The following FAT2 variants were observed in gnomAD, a reference collection of about 807,000 sequenced individuals.
The protein encoded by FAT2 is FAT atypical cadherin 2.
In FAT2, 150 loss-of-function variants were observed where a neutral mutation model predicts 295.3. The observed-to-expected ratio is 0.51, with a 90% CI of 0.44 to 0.58. The LOEUF (loss-of-function observed/expected upper bound fraction) is 0.58, where lower values mean the gene tolerates loss of function less well. Among genes scored for constraint, FAT2 ranks in the 20% least tolerant of loss-of-function variants. FAT2 has a pLI of 0.00. For missense variants in FAT2, 4,868 were observed against 5,442.7 expected (o/e 0.89, Z 3.32); for synonymous variants, 2,026 against 2,150.3 (o/e 0.94, Z 1.60).
chr5:151,539,639 G>A (rs924936798), intron 11 of FAT2, among the ~76,000 whole-genome samples: 3 of 152,150 alleles, frequency 2.0e-5, no homozygotes, highest in Non-Finnish European at 4.4e-5. Context: ...AAATTAAAAT[G>A]TTAGCAGTTT....
Position 151,542,665 on chromosome 5 carries a change from G to T in FAT2, c.8462C>A (p.Ala2821Asp). The T allele has an allele frequency of 1.2e-6, 2 of 1,614,194 alleles. No individual in the cohort carries two copies. The highest frequency in any genetic ancestry group is 1.7e-6 in the Non-Finnish European group (2 of 1,180,028). The change falls in exon 10 of 24, where the codon GCC becomes GAC. Residue 2821 changes from alanine (A) to aspartate (D), a missense_variant. Ala to Asp is a moderately radical substitution (Grantham distance 126). Transcript: ENST00000261800. ...PVGTSVIQVT[A>D]IDKDTGRDGQ... ...ATCTCTCCCAGTGTCCTTGTCAATGGCAGTCACTTGAATGACTGAGGTCCC... is the reference window on the plus strand; with the variant it reads ...ATCTCTCCCAGTGTCCTTGTCAATGTCAGTCACTTGAATGACTGAGGTCCC...
Position 151,543,347 on chromosome 5 carries a change from T to C in FAT2, c.7780A>G (p.Ile2594Val), listed in dbSNP as rs760863148. The part of the protein sequence containing the change: ...QFKASEYTVS[I>V]QSNVSKDSPV... The stretch of plus-strand genomic sequence containing the variant: ...GAGTCTTTACTGACATTGGATTGAA[T>C]GGATACTGTGTACTCAGATGCTTTG... The change falls in exon 10 of 24, where the codon ATT (isoleucine) becomes GTT (valine). Residue 2594 changes from isoleucine (I) to valine (V), a missense_variant. By Grantham distance (29) the Ile-to-Val change is conservative. Transcript: ENST00000261800. The C allele has an allele frequency of 8.7e-6, 14 of 1,614,100 alleles. No individual in the cohort carries two copies. Among genetic ancestry groups the C allele is most frequent in the Middle Eastern group, 1.6e-4 (1 of 6,084 alleles).
In FAT2 at chr5:151,549,274, G is replaced by A. The variant is rs377091541; in HGVS notation, c.4789+21C>T. ...TAAAGCATCTTGACCCATCCTCTGA[G>A]CTCATGGCCAGGCCTCTCACCTTTC... is the stretch of plus-strand genomic sequence containing the variant. On this transcript the variant is annotated intron_variant, in intron 9 of 23. Coordinates refer to ENST00000261800, the MANE Select transcript of FAT2 (RefSeq NM_001447.3). The A allele has an allele frequency of 9.1e-5, 146 of 1,609,202 alleles. 2 individuals are homozygous for A. The Middle Eastern group carries it at 1.1e-3, about 12-fold the overall frequency.
chr5:151,544,856 G>A lies in FAT2; in HGVS notation c.6271C>T (p.Gln2091Ter), dbSNP rs1372143484. 5.0e-6 allele frequency: 8 copies of A among 1,614,210 alleles called. No homozygotes were observed. The highest frequency in any genetic ancestry group is 6.8e-6 in the Non-Finnish European group (8 of 1,180,036). ...DGTEPGDVLF[Q>*]VSATDEDLGT... ...AAGTCCTCATCAGTGGCAGATACCTGAAAGAGGACATCCCCTGGCTCTGTG... is the reference window on the plus strand; with the variant it reads ...AAGTCCTCATCAGTGGCAGATACCTAAAAGAGGACATCCCCTGGCTCTGTG... The change falls in exon 10 of 24, where the codon CAG (glutamine) becomes TAG (stop). Residue 2091 changes from glutamine (Q) to a stop codon, truncating the protein, a stop_gained. Coordinates refer to ENST00000261800, the MANE Select transcript of FAT2 (RefSeq NM_001447.3). LOFTEE classifies it high-confidence loss of function.
chr5:151,565,922 C>T lies in FAT2; in HGVS notation c.3010G>A (p.Gly1004Ser), dbSNP rs3734055. ...GTCCTGCGGGCTAGGGGCCTCCCAC[C>T]ATCACTGGCCCACAGGCTCAGATTG... ...GYNLSLWASDGGRPLARRTLC... is the reference protein window; with the variant it reads ...GYNLSLWASDSGRPLARRTLC... Residue 1004 changes from glycine (G) to serine (S), a missense_variant, in exon 2 of 24, where the codon GGT becomes AGT. Around this residue, in one of 5 missense-constraint regions of FAT2, gnomAD observed 3,297 missense variants for 3,669.4 expected, o/e 0.90. Transcript: ENST00000261800. The T allele has an allele frequency of 0.5, 808,138 of 1,613,426 alleles. 206,118 individuals carry two copies. The highest frequency in any genetic ancestry group is 0.53 in the Non-Finnish European group (623,708 of 1,179,796).
rs2127619277 is a variant in FAT2, at chr5:151,549,388, C to T, written c.4696G>A (p.Asp1566Asn). ...AGCTCTGTGCCGGGGGCTATGGTGT[C>T]AGGAACACTTGCCTCATAATGGAGC... ...TQLHYEASVPDTIAPGTELLQ... is the reference protein window; with the variant it reads ...TQLHYEASVPNTIAPGTELLQ... Residue 1566 changes from aspartate (D) to asparagine (N), a missense_variant, in exon 9 of 24, where the codon GAC (aspartate) becomes AAC (asparagine). Physicochemically the swap from Asp to Asn is conservative, Grantham distance 23. Transcript: ENST00000261800. The T allele has an allele frequency of 1.2e-6, 2 of 1,614,078 alleles. No individual in the cohort carries two copies. The highest frequency in any genetic ancestry group is 1.7e-6 in the Non-Finnish European group (2 of 1,180,010).
Position 151,505,623 on chromosome 5 carries a change from T to G in FAT2, c.12992A>C (p.Tyr4331Ser). ...ACTCTCCACCATGTCAGAGCCCTCA[T>G]AGTTGGGGGGCACCCGGGGCTGGCC... ...GQGQPRVPPN[Y>S]EGSDMVESDY... The change falls in exon 24 of 24, where the codon TAT (tyrosine) becomes TCT (serine). Residue 4331 changes from tyrosine to serine, a missense_variant. Tyr to Ser is a moderately radical substitution (Grantham distance 144). This residue lies in a region of FAT2 where 492 missense variants were observed against 482.6 expected (regional missense o/e 1.02). Transcript: ENST00000261800. The G allele has an allele frequency of 6.2e-7, 1 of 1,614,128 alleles. No homozygotes were observed. The highest frequency in any genetic ancestry group is 8.5e-7 in the Non-Finnish European group (1 of 1,180,010).
chr5:151,510,327 T>C lies in FAT2; in HGVS notation c.11906-153A>G, dbSNP rs996721443. 1.2e-5 allele frequency: 10 copies of C among 834,442 alleles called. No homozygotes were observed. In the African/African-American group the frequency reaches 1.7e-4, roughly 14 times the overall value. The allele number at this position is 834,442 out of a possible 1,614,324, so 51.7% of individuals were successfully genotyped here. On this transcript the variant is annotated intron_variant, in intron 21 of 23. Coordinates refer to ENST00000261800, the MANE Select transcript of FAT2 (RefSeq NM_001447.3). ...TGCCCAATACCGTGCTGGGCATTGG[T>C]GCCCTGCTGAACCAAGAGCACTTTG...
At chr5:151,591,983 T>A (rs1168903030), upstream of FAT2, among the ~76,000 whole-genome samples, 1 of 152,198 alleles carries the variant, frequency 6.6e-6, no homozygotes, top group Non-Finnish European at 1.5e-5. Context: ...CCTCTCTAAG[T>A]TTGGGCTCCC....
At chr5:151,554,294 G>T in intron 5 of FAT2, 68 bp downstream of exon 5, 2 of 1,452,630 alleles carry the variant, frequency 1.4e-6, no homozygotes, top group Non-Finnish European at 1.9e-6. Flanking sequence ...CCCTCCTCCT[G>T]AATTCTCAAA....
At chr5:151,575,299 C>A (rs1758701100) in intron 1 of FAT2, among the ~76,000 whole-genome samples, 1 of 152,202 alleles carries the variant, frequency 6.6e-6, no homozygotes, top group African/African-American at 2.4e-5. Flanking sequence ...TATACATTTT[C>A]AAATAAGCAT....
chr5:151,520,152 G>A (rs752769948), intron 19 of FAT2, among the ~76,000 whole-genome samples: 4 of 152,228 alleles, frequency 2.6e-5, no homozygotes, highest in Non-Finnish European at 4.4e-5. Context: ...TCTGAGAAAT[G>A]ATATCCCGAA....
chr5:151,592,269 A>G (rs569196418), upstream of FAT2, among the ~76,000 whole-genome samples: 1 of 152,314 alleles, frequency 6.6e-6, no homozygotes, highest in South Asian at 2.1e-4. Context: ...TTTTAGTTAT[A>G]GAACACATTT....
At chr5:151,570,143 G>A (rs1581458358) in intron 1 of FAT2, among the ~76,000 whole-genome samples, 1 of 152,194 alleles carries the variant, frequency 6.6e-6, no homozygotes, top group Non-Finnish European at 1.5e-5. Flanking sequence ...ATAAAAGGAA[G>A]GGAGCTGCCC....
intron 19 of FAT2, among the ~76,000 whole-genome samples, chr5:151,520,600 C>T (rs995322124): frequency 1.3e-5 from 2 of 152,160 alleles, no homozygotes; most frequent in African/African-American, 2.4e-5. Context: ...GGGTTAAGTG[C>T]TTTTATAACT....
chr5:151,552,470 T>G (rs1757308168), intron 6 of FAT2, among the ~76,000 whole-genome samples: 1 of 152,168 alleles, frequency 6.6e-6, no homozygotes, highest in Admixed American at 6.5e-5. Flanking sequence ...GGACTCCATG[T>G]TCATGTGGGT....
chr5:151,554,245 G>A lies in FAT2; in HGVS notation c.3945+117C>T, dbSNP rs561204938. On this transcript the variant is annotated intron_variant, in intron 5 of 23. Transcript: ENST00000261800. The stretch of plus-strand genomic sequence containing the variant: ...CCCAGTTTCTCTGGGAGAAGGCCAG[G>A]AAGGAGAGTACCATTTCCCTTATGC... 3.0e-5 allele frequency: 28 copies of A among 935,822 alleles called. No homozygotes were observed. In the East Asian group the frequency reaches 7.1e-4, roughly 24 times the overall value. 58.0% of individuals were successfully genotyped at this position (935,822 alleles called of 1,614,324 possible). A position where few individuals can be genotyped will look rare whatever the true frequency, so the allele number is the denominator to read the frequency against.
rs7718950 is a variant in FAT2, at chr5:151,537,578, T to C, written c.9193+215A>G. ...AGCACATTTAAAACCACTGATTCAA[T>C]GACCCCCTTTCCCACTAGATTATAA... is the stretch of plus-strand genomic sequence containing the variant. On this transcript the variant is annotated intron_variant, in intron 12 of 23. Coordinates refer to ENST00000261800, the MANE Select transcript of FAT2 (RefSeq NM_001447.3). Among the ~76,000 whole-genome samples, 2,421 of 152,332 alleles carry C rather than the reference T, an allele frequency of 0.016. 66 individuals carry two copies. The highest frequency in any genetic ancestry group is 0.055 in the African/African-American group (2,302 of 41,554).
At chr5:151,578,090 G>T (rs1005312350) in intron 1 of FAT2, among the ~76,000 whole-genome samples, 1 of 151,996 alleles carries the variant, frequency 6.6e-6, no homozygotes, top group African/African-American at 2.4e-5. Context: ...TTCATTAGAA[G>T]CTCTAAACGC....
Sources: allele counts gnomAD v4.1 joint callset (sites outside exome capture counted in the v4.1 genomes callset), GRCh38; gene constraint gnomAD v4.1.1; regional missense constraint gnomAD v4.1.1; transcripts MANE v1.5; gene names NCBI Gene and HGNC (gene_info 2026-07-23, HGNC 2026-07-21).